The following ARHGAP20 variants were observed in gnomAD, a reference collection of about 807,000 sequenced individuals.
ARHGAP20 encodes the protein Rho GTPase activating protein 20.
ARHGAP20 carries 34 observed loss-of-function variants against 73.7 expected under a neutral mutation model. The ratio of observed to expected loss-of-function variants is 0.46; its 90% CI spans 0.35 to 0.61. The LOEUF is 0.61. Ranked by LOEUF, ARHGAP20 falls within the 20% of genes least tolerant of loss-of-function variation. The probability of loss-of-function intolerance (pLI) is 0.00; values close to 1 mark genes in which losing one functional copy is unlikely to be tolerated. For synonymous variants in ARHGAP20, 523 were observed against 518.2 expected, an observed-to-expected ratio of 1.01 and a Z score of -0.13; for missense variants, 1,314 against 1,420.9, an observed-to-expected ratio of 0.92 and a Z score of 1.21.
At position 110,663,342 on chromosome 11, in the gene ARHGAP20, T is replaced by C. The variant is rs957140026; in HGVS notation, c.188+27205A>G. Among the ~76,000 whole-genome samples the C allele has an allele frequency of 7.4e-5, 11 of 149,646 alleles. No individual in the cohort carries two copies. In the East Asian group the frequency reaches 2.1e-3, roughly 29 times the overall value. ...CACTAATATTACACTATATATTATATAATACTAATATATACAATATACTAT... is the reference window on the plus strand; with the variant it reads ...CACTAATATTACACTATATATTATACAATACTAATATATACAATATACTAT... On this transcript the variant is annotated intron_variant, in intron 2 of 14. Coordinates refer to ENST00000683387, the MANE Select transcript of ARHGAP20 (RefSeq NM_001384657.1).
At chr11:110,618,219 G>T (rs1353313549) in intron 4 of ARHGAP20, among the ~76,000 whole-genome samples, 1 of 152,036 alleles carries the variant, frequency 6.6e-6, no homozygotes, top group Non-Finnish European at 1.5e-5. Flanking sequence ...TATCTGTTTT[G>T]GAGGCATCTT....
Position 110,690,569 on chromosome 11 carries a change from G to A in ARHGAP20, c.166C>T (p.Leu56=). The A allele has an allele frequency of 1.2e-6, 2 of 1,613,980 alleles. No individual in the cohort carries two copies. Among genetic ancestry groups the A allele is most frequent in the Non-Finnish European group, 1.7e-6 (2 of 1,179,936 alleles). The stretch of plus-strand genomic sequence containing the variant: ...TACCTGGTAGTAGGCCGTTTTTGTA[G>A]GGCTTTATCCAGGATAAGAGATGGA... ...SAPSLILDKA[L]QKRPTTRDSP... is the part of the protein sequence containing the mutation. Residue 56 remains leucine, a synonymous_variant, in exon 2 of 15, where the codon CTA becomes TTA. Coordinates refer to ENST00000683387, the MANE Select transcript of ARHGAP20 (RefSeq NM_001384657.1).
chr11:110,637,825 C>T (rs1414578309), intron 2 of ARHGAP20, among the ~76,000 whole-genome samples: 1 of 152,056 alleles, frequency 6.6e-6, no homozygotes, highest in Non-Finnish European at 1.5e-5. Flanking sequence ...GAACCAAAGT[C>T]TAAAGGATGA....
At chr11:110,683,544 G>A (rs1352893001) in intron 2 of ARHGAP20, among the ~76,000 whole-genome samples, 4 of 152,106 alleles carry the variant, frequency 2.6e-5, no homozygotes, top group African/African-American at 9.7e-5. Context: ...CAGCAAGTAT[G>A]TACAAGGTAT....
At chr11:110,708,001 C>A (rs1950580385) in intron 1 of ARHGAP20, among the ~76,000 whole-genome samples, 1 of 151,400 alleles carries the variant, frequency 6.6e-6, no homozygotes, top group Non-Finnish European at 1.5e-5. Context: ...TTGTATTTCA[C>A]CAAAAATAAG....
intron 2 of ARHGAP20, among the ~76,000 whole-genome samples, chr11:110,638,619 AC>A (rs1438836156): frequency 6.6e-6 from 1 of 151,928 alleles, no homozygotes; most frequent in Non-Finnish European, 1.5e-5. Flanking sequence ...GATGAAATTG[AC>A]CAAGAAAAAG....
At chr11:110,582,473 A>G (rs1947499367) in intron 13 of ARHGAP20, 38 bp from the exon 14 acceptor site, 1 of 1,303,256 alleles carries the variant, frequency 7.7e-7, no homozygotes, top group African/African-American at 1.5e-5. Context: ...TACTTTTCAT[A>G]TTACATGTTT....
chr11:110,586,665 C>A (rs1240754448), intron 11 of ARHGAP20, among the ~76,000 whole-genome samples: 2 of 152,182 alleles, frequency 1.3e-5, no homozygotes, highest in African/African-American at 4.8e-5. Context: ...TCCCCTGTCC[C>A]TTAGACAGCT....
chr11:110,653,672 C>CA (rs2135021225), intron 2 of ARHGAP20, among the ~76,000 whole-genome samples: 1 of 152,292 alleles, frequency 6.6e-6, no homozygotes, highest in South Asian at 2.1e-4. Context: ...GGCAATTCCT[C>CA]AAACACCTAG....
chr11:110,655,907 T>C (rs901738195), intron 2 of ARHGAP20, among the ~76,000 whole-genome samples: 8 of 152,182 alleles, frequency 5.3e-5, no homozygotes, highest in Non-Finnish European at 1.2e-4. Context: ...CAGGGAGGCC[T>C]TTCCTGACTA....
At chr11:110,602,214 CACA>C (rs1475831217) in intron 9 of ARHGAP20, among the ~76,000 whole-genome samples, 1 of 117,118 alleles carries the variant, frequency 8.5e-6, no homozygotes, top group Non-Finnish European at 1.7e-5. Context: ...ATCAGGATAC[CACA>C]ACATCTTTTT....
At chr11:110,621,324 GT>G (rs1179736377) in intron 4 of ARHGAP20, among the ~76,000 whole-genome samples, 12 of 151,966 alleles carry the variant, frequency 7.9e-5, no homozygotes, top group African/African-American at 2.9e-4. Flanking sequence ...AATTTAGGTA[GT>G]TTTTAACCAC....
Position 110,582,408 on chromosome 11 carries a change from C to T in ARHGAP20, c.1633G>A (p.Glu545Lys). 12 of 1,613,404 alleles carry T rather than the reference C, an allele frequency of 7.4e-6. No homozygotes were observed. The highest frequency in any genetic ancestry group is 7.6e-6 in the Non-Finnish European group (9 of 1,179,438). Residue 545 changes from glutamate (E) to lysine (K), a missense_variant, in exon 14 of 15, where the codon GAG becomes AAG. By Grantham distance (56) the Glu-to-Lys change is moderately conservative (BLOSUM62 1). Coordinates refer to ENST00000683387, the MANE Select transcript of ARHGAP20 (RefSeq NM_001384657.1). ...KVSLLIQFLI[E>K]NCLRIFGEEI... ...TCTCCAAATATCCTAAGGCAATTCTCAATCAGAAATTGTATAAGCAGGGAA... is the reference window on the plus strand; with the variant it reads ...TCTCCAAATATCCTAAGGCAATTCTTAATCAGAAATTGTATAAGCAGGGAA...
intron 2 of ARHGAP20, among the ~76,000 whole-genome samples, chr11:110,639,992 T>G (rs12270696): frequency 0.21 from 32,393 of 151,892 alleles, 3,662 homozygotes; most frequent in Admixed American, 0.31. Flanking sequence ...GTTTAACTTA[T>G]TGAGGAACTG....
chr11:110,599,049 T>TAGG (rs1565430798), intron 9 of ARHGAP20, among the ~76,000 whole-genome samples: 1 of 151,764 alleles, frequency 6.6e-6, no homozygotes, highest in Non-Finnish European at 1.5e-5. Flanking sequence ...TGGGGACAGG[T>TAGG]AGGAGCCCTG....
At chr11:110,584,669 A>C (rs1947573719) in intron 12 of ARHGAP20, among the ~76,000 whole-genome samples, 1 of 152,070 alleles carries the variant, frequency 6.6e-6, no homozygotes, top group Non-Finnish European at 1.5e-5. Flanking sequence ...TTTCACAATA[A>C]GAGCTATTTT....
chr11:110,632,047 G>T (rs1357655456), intron 2 of ARHGAP20, among the ~76,000 whole-genome samples: 1 of 151,980 alleles, frequency 6.6e-6, no homozygotes, highest in Non-Finnish European at 1.5e-5. Flanking sequence ...ATCTTACTTA[G>T]GTATTCAATG....
chr11:110,642,363 T>C (rs1214124743), intron 2 of ARHGAP20, among the ~76,000 whole-genome samples: 1 of 152,114 alleles, frequency 6.6e-6, no homozygotes, highest in Non-Finnish European at 1.5e-5. Context: ...CTTGTCTTGT[T>C]CCGGTTCTCA....
chr11:110,580,357 AATTCC>A lies in ARHGAP20; in HGVS notation c.2584_2588del (p.Gly862LeufsTer7). 1 of 1,614,180 alleles carries A rather than the reference AATTCC, an allele frequency of 6.2e-7. No individual in the cohort carries two copies. Among genetic ancestry groups the A allele is most frequent in the Non-Finnish European group, 8.5e-7 (1 of 1,180,034 alleles). ...TGGTTTTATGTTGTTTCTTTGAATA[AATTCC>A]CCTGAGATAGGTCAGCTTGCGGTTC... On this transcript the variant is annotated frameshift_variant, in exon 15 of 15. Coordinates refer to ENST00000683387, the MANE Select transcript of ARHGAP20 (RefSeq NM_001384657.1). LOFTEE classifies it low-confidence loss of function (END_TRUNC).
Sources: allele counts gnomAD v4.1 joint callset (sites outside exome capture counted in the v4.1 genomes callset), GRCh38; gene constraint gnomAD v4.1.1; transcripts MANE v1.5; gene names NCBI Gene and HGNC (gene_info 2026-07-23, HGNC 2026-07-21).